Variants in FABP12 observed in about 807,000 individuals in gnomAD.
FABP12 encodes fatty acid binding protein 12.
FABP12 carries 19 observed loss-of-function variants against 13.7 expected under a neutral mutation model. The observed-to-expected ratio is 1.39, with a 90% CI of 0.97 to 2.04. The LOEUF is 2.04. Among genes scored for constraint, FABP12 ranks in the 30% most tolerant of loss-of-function variants. The pLI is 0.00. For missense variants in FABP12, 182 were observed against 164.2 expected, an observed-to-expected ratio of 1.11 and a Z score of -0.59; for synonymous variants, 61 against 57.0, an observed-to-expected ratio of 1.07 and a Z score of -0.32.
intron 1 of FABP12, among the ~76,000 whole-genome samples, chr8:81,532,247 AG>A (rs1585836393): frequency 6.6e-6 from 1 of 152,212 alleles, no homozygotes; most frequent in East Asian, 1.9e-4. Context: ...TCAGCCCCTG[AG>A]GACATCATTG....
At chr8:81,583,347 A>G (rs1027257191) in intron 1 of FABP12, among the ~76,000 whole-genome samples, 1 of 152,196 alleles carries the variant, frequency 6.6e-6, no homozygotes, top group Non-Finnish European at 1.5e-5. Context: ...GAAAGAAATA[A>G]CAAAGATCAG....
chr8:81,561,993 C>T (rs1156462051), intron 1 of FABP12, among the ~76,000 whole-genome samples: 1 of 152,166 alleles, frequency 6.6e-6, no homozygotes, highest in African/African-American at 2.4e-5. Flanking sequence ...TGTGTCATGC[C>T]TCTTCCAACA....
chr8:81,555,412 T>C (rs185493709), intron 1 of FABP12, among the ~76,000 whole-genome samples: 153 of 152,334 alleles, frequency 1.0e-3, no homozygotes, highest in African/African-American at 3.6e-3. Flanking sequence ...TTTTAAAATC[T>C]AAAGTCCTAA....
intron 1 of FABP12, among the ~76,000 whole-genome samples, chr8:81,555,115 GA>G (rs574784407): frequency 1.0e-3 from 153 of 152,314 alleles, no homozygotes; most frequent in African/African-American, 3.6e-3. Context: ...TTCTGACCAA[GA>G]AGGGAAAATT....
At chr8:81,578,504 G>A (rs1413370246) in intron 1 of FABP12, among the ~76,000 whole-genome samples, 3 of 134,194 alleles carry the variant, frequency 2.2e-5, no homozygotes, top group African/African-American at 5.6e-5. Context: ...TTTTTTTTTC[G>A]AGACAGAGTC....
rs1809356351 is a variant in FABP12, at chr8:81,541,980, T to C, written c.-184-2237A>G. Among the ~76,000 whole-genome samples, 3 of 126,312 alleles carry C rather than the reference T, an allele frequency of 2.4e-5. No homozygotes were observed. The Admixed American group carries it at 2.6e-4, about 11-fold the overall frequency. The allele number at this position is 126,312 out of a possible 152,430, so 82.9% of individuals were successfully genotyped here. On this transcript the variant is annotated intron_variant, in intron 1 of 5. Transcript: ENST00000692030. The stretch of plus-strand genomic sequence containing the variant: ...TTTCAACAGGATCTGAGCCTAGAGG[T>C]AATGTCTAGGAGCCACTAGAGGCCT...
chr8:81,537,545 A>G (rs1809252023), upstream of FABP12, among the ~76,000 whole-genome samples: 1 of 152,198 alleles, frequency 6.6e-6, no homozygotes, highest in Admixed American at 6.5e-5. Flanking sequence ...AAAATGGAGA[A>G]AGTTCACTAG....
intron 1 of FABP12, among the ~76,000 whole-genome samples, chr8:81,558,521 G>A (rs1019013853): frequency 2.0e-5 from 3 of 152,140 alleles, no homozygotes; most frequent in Non-Finnish European, 4.4e-5. Flanking sequence ...TCCACGTGAA[G>A]GCAGCCATGG....
chr8:81,539,911 G>A (rs145661160), intron 1 of FABP12, among the ~76,000 whole-genome samples: 46 of 152,270 alleles, frequency 3.0e-4, no homozygotes, highest in East Asian at 1.5e-3. Context: ...GGCCAATTAC[G>A]CTTTAATCAG....
At chr8:81,536,445 C>T (rs183056928), upstream of FABP12, among the ~76,000 whole-genome samples, 28 of 152,270 alleles carry the variant, frequency 1.8e-4, no homozygotes, top group South Asian at 4.8e-3. Flanking sequence ...GTTATTTCAA[C>T]GAAGCAATTT....
chr8:81,558,803 T>C (rs1809666537), intron 1 of FABP12, among the ~76,000 whole-genome samples: 1 of 145,528 alleles, frequency 6.9e-6, no homozygotes. Flanking sequence ...GGCAGGAGAA[T>C]CGCTTGAACC....
At chr8:81,552,298 G>A (rs146094836) in intron 1 of FABP12, among the ~76,000 whole-genome samples, 1 of 152,198 alleles carries the variant, frequency 6.6e-6, no homozygotes, top group Non-Finnish European at 1.5e-5. Flanking sequence ...CTTTAGGGCA[G>A]TTGGAAGAAG....
chr8:81,573,395 T>C (rs1328597292), intron 1 of FABP12, among the ~76,000 whole-genome samples: 1 of 152,156 alleles, frequency 6.6e-6, no homozygotes, highest in Non-Finnish European at 1.5e-5. Flanking sequence ...TGCCTCCAGA[T>C]TTGTTATTTT....
chr8:81,533,445 C>A (rs1337718843), intron 1 of FABP12, among the ~76,000 whole-genome samples: 3 of 152,202 alleles, frequency 2.0e-5, no homozygotes, highest in South Asian at 2.1e-4. Flanking sequence ...CCCTGACCAG[C>A]TTTTCAGACG....
intron 1 of FABP12, among the ~76,000 whole-genome samples, chr8:81,557,710 AAAAGT>A (rs1809643675): frequency 5.3e-5 from 8 of 152,228 alleles, no homozygotes; most frequent in African/African-American, 1.9e-4. Context: ...AACGTTTTTT[AAAAGT>A]AAAATTATAC....
intron 1 of FABP12, among the ~76,000 whole-genome samples, chr8:81,582,688 G>A (rs371231385): frequency 1.3e-5 from 2 of 152,094 alleles, no homozygotes; most frequent in East Asian, 3.9e-4. Flanking sequence ...ACCATGCACT[G>A]AGGATCCAGA....
chr8:81,529,661 T>A, intron 2 of FABP12, 51 bp from the exon 3 acceptor site: 1 of 1,435,860 alleles, frequency 7.0e-7, no homozygotes, highest in African/African-American at 1.4e-5. Context: ...GAATTACAAA[T>A]ACATTACATT....
intron 1 of FABP12, chr8:81,533,338 C>G (rs1809131970): frequency 6.6e-6 from 1 of 152,164 alleles, no homozygotes; most frequent in Non-Finnish European, 1.5e-5. Flanking sequence ...ATACAAGAGC[C>G]AAAAATCTTC....
chr8:81,569,643 T>C (rs1187492109), intron 1 of FABP12, among the ~76,000 whole-genome samples: 1 of 152,196 alleles, frequency 6.6e-6, no homozygotes, highest in Non-Finnish European at 1.5e-5. Context: ...CACTCCAAGA[T>C]TGAGTAAGCA....
Sources: gnomAD v4.1 joint callset for allele counts (sites outside exome capture counted in the v4.1 genomes callset) on GRCh38, gnomAD v4.1.1 for gene constraint, MANE v1.5 for transcripts, NCBI Gene and HGNC (gene_info 2026-07-23, HGNC 2026-07-21) for gene names.